The following MSH3 variants were observed in gnomAD, a reference collection of about 807,000 sequenced individuals.
MSH3 encodes the protein DNA mismatch repair protein Msh3.
A neutral mutation model predicts 123.3 loss-of-function variants in MSH3; 106 were observed. That is an observed-to-expected ratio of 0.86 (90% CI 0.73 to 1.01). MSH3 has a LOEUF of 1.01. MSH3 is among the 50% of genes least tolerant of loss of function. The probability of loss-of-function intolerance (pLI) is 0.00; values close to 1 mark genes in which losing one functional copy is unlikely to be tolerated. For missense variants in MSH3, 1,459 were observed against 1,347.6 expected, an observed-to-expected ratio of 1.08 and a Z score of -1.29; for synonymous variants, 515 against 481.4, an observed-to-expected ratio of 1.07 and a Z score of -0.91.
intron 19 of MSH3, among the ~76,000 whole-genome samples, chr5:80,801,177 GCTTTTAGCAAAAAACAAGTTCTGTTTTA>G (rs1286095805): frequency 2.0e-5 from 3 of 152,150 alleles, no homozygotes; most frequent in Non-Finnish European, 4.4e-5. Flanking sequence ...CTGGATGAGG[GCTTTTAGCAAAAAACAAGTTCTGTTTTA>G]CTTTTTATGA....
At chr5:80,660,626 AT>A (rs1402953112) in intron 2 of MSH3, among the ~76,000 whole-genome samples, 1 of 152,180 alleles carries the variant, frequency 6.6e-6, no homozygotes, top group Non-Finnish European at 1.5e-5. Context: ...TTCTTCGGAG[AT>A]TCTTAGCCTT....
chr5:80,867,058 C>T (rs1008256905), intron 22 of MSH3, among the ~76,000 whole-genome samples: 2 of 152,184 alleles, frequency 1.3e-5, no homozygotes, highest in Non-Finnish European at 2.9e-5. Context: ...TCTGGGCCTG[C>T]GGCACAGCTG....
intron 18 of MSH3, 93 bp from the exon 19 acceptor site, chr5:80,792,640 A>G: frequency 2.8e-6 from 2 of 705,582 alleles, no homozygotes; most frequent in East Asian, 2.8e-5. Context: ...CTGTCGTACA[A>G]ACAGAGTACT....
intron 3 of MSH3, among the ~76,000 whole-genome samples, chr5:80,666,166 C>T (rs1234390118): frequency 6.6e-6 from 1 of 152,118 alleles, no homozygotes; most frequent in Non-Finnish European, 1.5e-5. Flanking sequence ...CTCAAGCAAT[C>T]CTCCCACCTT....
At chr5:80,766,661 A>T (rs922201116) in intron 13 of MSH3, among the ~76,000 whole-genome samples, 6 of 151,990 alleles carry the variant, frequency 3.9e-5, no homozygotes, top group Non-Finnish European at 5.9e-5. Context: ...GCCGTTTTAA[A>T]CAATCTCTTA....
Position 80,672,357 on chromosome 5 carries a change from T to G in MSH3, c.906T>G (p.Tyr302Ter). The change falls in exon 5 of 24, where the codon TAT (tyrosine) becomes TAG (stop). Residue 302 changes from tyrosine to a stop codon, truncating the protein, a stop_gained. Coordinates refer to ENST00000265081, the MANE Select transcript of MSH3 (RefSeq NM_002439.5). LOFTEE classifies it high-confidence loss of function. ...VHVRRLVAKG[Y>*]KVGVVKQTET... ...TACGCCGCCTGGTGGCAAAAGGATA[T>G]AAGGTCAGCTTTGGCTTTAACTTGT... 6.2e-7 allele frequency: 1 copy of G among 1,607,358 alleles called. No homozygotes were observed. Among genetic ancestry groups the G allele is most frequent in the Non-Finnish European group, 8.5e-7 (1 of 1,173,828 alleles).
chr5:80,861,840 G>C (rs1746017570), intron 21 of MSH3, among the ~76,000 whole-genome samples: 1 of 152,034 alleles, frequency 6.6e-6, no homozygotes. Flanking sequence ...GTATCTGCTT[G>C]TCTGTCTCTA....
In MSH3 at chr5:80,696,205, T is replaced by C. The variant is rs904151690; in HGVS notation, c.1340+17112T>C. ...GTGGAAGTCCAGTCTCTGTCTGGTG[T>C]TTCGCCTGATACCATGGGGGTTAAA... On this transcript the variant is annotated intron_variant, in intron 8 of 23. Transcript: ENST00000265081. 9.8e-5 allele frequency among the ~76,000 whole-genome samples: 15 copies of C among 152,298 alleles called. No individual in the cohort carries two copies. In the East Asian group the frequency reaches 1.9e-3, roughly 20 times the overall value.
intron 15 of MSH3, among the ~76,000 whole-genome samples, chr5:80,769,730 T>C (rs1366179423): frequency 4.6e-5 from 7 of 152,126 alleles, no homozygotes; most frequent in South Asian, 4.1e-4. Flanking sequence ...AGGAAACTTA[T>C]GGTTAACTTC....
At chr5:80,667,994 C>T (rs761865957) in intron 3 of MSH3, among the ~76,000 whole-genome samples, 10 of 152,056 alleles carry the variant, frequency 6.6e-5, no homozygotes, top group Non-Finnish European at 1.3e-4. Flanking sequence ...AGTATGTGGA[C>T]GAGTGGAGGG....
intron 3 of MSH3, among the ~76,000 whole-genome samples, chr5:80,667,316 A>G (rs567480591): frequency 1.3e-5 from 2 of 152,318 alleles, no homozygotes; most frequent in South Asian, 2.1e-4. Flanking sequence ...ACTATATTCC[A>G]TGACATAAAA....
At chr5:80,711,479 G>A (rs1197306151) in intron 8 of MSH3, among the ~76,000 whole-genome samples, 3 of 152,080 alleles carry the variant, frequency 2.0e-5, no homozygotes, top group Non-Finnish European at 4.4e-5. Context: ...GGCTCATTCC[G>A]AGGAGGACTC....
At chr5:80,706,651 A>G (rs1393445953) in intron 8 of MSH3, among the ~76,000 whole-genome samples, 1 of 152,228 alleles carries the variant, frequency 6.6e-6, no homozygotes, top group Non-Finnish European at 1.5e-5. Context: ...GCATGTAAAT[A>G]TAGAATATAC....
chr5:80,729,440 G>A (rs867781153), intron 10 of MSH3, among the ~76,000 whole-genome samples: 2 of 133,146 alleles, frequency 1.5e-5, no homozygotes, highest in African/African-American at 2.8e-5. Context: ...ATGTGTGTGT[G>A]TGTGTGTGTG....
intron 20 of MSH3, among the ~76,000 whole-genome samples, chr5:80,819,370 ATATATATGTG>A (rs36223115): frequency 0.71 from 104,667 of 148,216 alleles, 36,815 homozygotes; most frequent in South Asian, 0.8. Context: ...ATATGTGTGT[ATATATATGTG>A]TATATATGTA....
intron 8 of MSH3, among the ~76,000 whole-genome samples, chr5:80,686,547 A>G (rs1039874228): frequency 6.6e-6 from 1 of 152,028 alleles, no homozygotes; most frequent in African/African-American, 2.4e-5. Flanking sequence ...CCTGACCTCA[A>G]GTGATCCGCC....
intron 8 of MSH3, among the ~76,000 whole-genome samples, chr5:80,708,027 C>G (rs1034625764): frequency 1.3e-5 from 2 of 152,142 alleles, no homozygotes; most frequent in African/African-American, 4.8e-5. Flanking sequence ...ATTCTTTATA[C>G]ATTCTGAATA....
chr5:80,654,905 G>GCAGCGCCCCCAGCGC lies in MSH3; in HGVS notation c.179_180insAGCGCCCCCAGCGCC (p.Ala61_Ala62insProProAlaProAla). 5 of 1,494,090 alleles carry GCAGCGCCCCCAGCGC rather than the reference G, an allele frequency of 3.3e-6. No individual in the cohort carries two copies. The East Asian group carries it at 1.3e-4, about 38-fold the overall frequency. The allele number at this position is 1,494,090 out of a possible 1,614,324, so 92.6% of individuals were successfully genotyped here. ...TGCAGCGGCTGCAGCGGCCGCAGCG[G>GCAGCGCCCCCAGCGC]CCGCAGCGCCCCCAGCGCCCCCAGC... On this transcript the variant is annotated inframe_insertion, in exon 1 of 24. Transcript: ENST00000265081.
chr5:80,784,481 G>A (rs184984017), intron 17 of MSH3, among the ~76,000 whole-genome samples: 37 of 152,102 alleles, frequency 2.4e-4, no homozygotes, highest in Admixed American at 2.1e-3. Flanking sequence ...TTTGATACAG[G>A]CATGCAATGT....
Sources: allele counts gnomAD v4.1 joint callset (sites outside exome capture counted in the v4.1 genomes callset), GRCh38; gene constraint gnomAD v4.1.1; transcripts MANE v1.5; gene names NCBI Gene and HGNC (gene_info 2026-07-23, HGNC 2026-07-21).